Variants in KLHL3 observed in about 807,000 individuals in gnomAD.
KLHL3 encodes the protein kelch like family member 3, also known as kelch-like protein 3.
A neutral mutation model predicts 70.5 loss-of-function variants in KLHL3; 19 were observed. That is an observed-to-expected ratio of 0.27 (90% CI 0.19 to 0.40). KLHL3 has a LOEUF of 0.40. Ranked by LOEUF, KLHL3 falls within the 10% of genes least tolerant of loss-of-function variation. KLHL3 has a pLI of 1.00. For synonymous variants in KLHL3, 258 were observed against 290.3 expected, an observed-to-expected ratio of 0.89 and a Z score of 1.13; for missense variants, 512 against 771.1, an observed-to-expected ratio of 0.66 and a Z score of 3.98.
At chr5:137,706,364 G>A in intron 3 of KLHL3, 1 of 985,320 alleles carries the variant, frequency 1.0e-6, no homozygotes. Context: ...ATTTTGCAAT[G>A]TTACTGGAGA....
intron 5 of KLHL3, among the ~76,000 whole-genome samples, chr5:137,690,220 G>A (rs368358068): frequency 1.8e-4 from 27 of 152,024 alleles, no homozygotes; most frequent in South Asian, 1.0e-3. Context: ...CCAGCTACTC[G>A]GGAGGCTGAG....
chr5:137,656,945 C>T (rs554140356), intron 8 of KLHL3, among the ~76,000 whole-genome samples: 22 of 152,384 alleles, frequency 1.4e-4, no homozygotes, highest in South Asian at 8.3e-4. Flanking sequence ...GGATAACTAT[C>T]TCTACCTTGT....
chr5:137,720,776 A>T, intron 1 of KLHL3, 192 bp from the exon 2 acceptor site: 1 of 1,414,184 alleles, frequency 7.1e-7, no homozygotes, highest in East Asian at 2.6e-5. Flanking sequence ...ATTCCTCTGA[A>T]GGAAGGCAGG....
intron 2 of KLHL3, among the ~76,000 whole-genome samples, chr5:137,710,254 T>G (rs1474391732): frequency 6.6e-6 from 1 of 152,158 alleles, no homozygotes; most frequent in Non-Finnish European, 1.5e-5. Context: ...AGCATACCAG[T>G]GAAGTGTGTC....
intron 6 of KLHL3, among the ~76,000 whole-genome samples, chr5:137,664,622 G>A (rs2149899516): frequency 6.6e-6 from 1 of 151,308 alleles, no homozygotes; most frequent in African/African-American, 2.4e-5. Context: ...TTTGAGACCA[G>A]CCTGAGAAAC....
chr5:137,697,647 A>G (rs1752477200), intron 4 of KLHL3, among the ~76,000 whole-genome samples: 1 of 152,216 alleles, frequency 6.6e-6, no homozygotes, highest in Non-Finnish European at 1.5e-5. Flanking sequence ...ACTCAGGACC[A>G]CCAAACAGTG....
intron 12 of KLHL3, chr5:137,629,113 A>G (rs1750566210): frequency 6.6e-6 from 1 of 152,202 alleles, no homozygotes; most frequent in Non-Finnish European, 1.5e-5. Flanking sequence ...CGTGTTGATC[A>G]GCCTGAGCTG....
intron 8 of KLHL3, among the ~76,000 whole-genome samples, chr5:137,657,668 C>T (rs554492504): frequency 1.3e-5 from 2 of 152,292 alleles, no homozygotes; most frequent in East Asian, 3.9e-4. Flanking sequence ...CTTAGAACCC[C>T]TTTTCTTCTC....
chr5:137,664,256 G>A (rs1751557497), intron 6 of KLHL3, among the ~76,000 whole-genome samples: 2 of 151,620 alleles, frequency 1.3e-5, no homozygotes, highest in Admixed American at 6.6e-5. Flanking sequence ...AGGTTGAGGT[G>A]GGAGAACTGC....
At chr5:137,727,211 C>T (rs1753098100) in intron 1 of KLHL3, among the ~76,000 whole-genome samples, 1 of 152,016 alleles carries the variant, frequency 6.6e-6, no homozygotes, top group Non-Finnish European at 1.5e-5. Flanking sequence ...GGGTGTTATC[C>T]TTGATATCTT....
chr5:137,681,469 T>C (rs1752023714), intron 5 of KLHL3, among the ~76,000 whole-genome samples: 1 of 152,056 alleles, frequency 6.6e-6, no homozygotes, highest in African/African-American at 2.4e-5. Context: ...AGAGCATATG[T>C]AAAGAACAGT....
intron 7 of KLHL3, chr5:137,660,636 C>T (rs545700407): frequency 6.6e-6 from 1 of 152,346 alleles, no homozygotes; most frequent in East Asian, 1.9e-4. Context: ...ACTGACCCCT[C>T]ATATCTGCAA....
In KLHL3 at chr5:137,709,759, T is replaced by A. The variant is rs199469624; in HGVS notation, c.232A>T (p.Met78Leu). The A allele has an allele frequency of 6.2e-7, 1 of 1,613,398 alleles. No homozygotes were observed. The highest frequency in any genetic ancestry group is 8.5e-7 in the Non-Finnish European group (1 of 1,179,416). The part of the protein sequence containing the change: ...LAACSPYFCA[M>L]FTGDMSESKA... ...TGGCCACTCACCATACCTGTGAACA[T>A]CGCACAGAAGTAGGGGCTGCAGGCT... The change falls in exon 3 of 15, where the codon ATG becomes TTG. Residue 78 changes from methionine to leucine, a missense_variant. Met to Leu is a conservative substitution (Grantham distance 15). Transcript: ENST00000309755.
intron 6 of KLHL3, among the ~76,000 whole-genome samples, chr5:137,665,064 T>C (rs1329608847): frequency 6.6e-6 from 1 of 152,124 alleles, no homozygotes; most frequent in Non-Finnish European, 1.5e-5. Flanking sequence ...AAAATATTAA[T>C]ATATAACCTG....
intron 6 of KLHL3, among the ~76,000 whole-genome samples, chr5:137,669,346 T>G (rs1751692989): frequency 6.6e-6 from 1 of 152,176 alleles, no homozygotes; most frequent in South Asian, 2.1e-4. Flanking sequence ...CTCCTGTGAC[T>G]AATACGCTAC....
chr5:137,624,777 G>C (rs971654625), intron 14 of KLHL3, among the ~76,000 whole-genome samples: 2 of 152,160 alleles, frequency 1.3e-5, no homozygotes, highest in Admixed American at 1.3e-4. Flanking sequence ...TGGAAAACCA[G>C]ATACAAGGAA....
intron 8 of KLHL3, among the ~76,000 whole-genome samples, chr5:137,643,815 T>C (rs1393374641): frequency 2.0e-5 from 3 of 152,180 alleles, no homozygotes; most frequent in Non-Finnish European, 4.4e-5. Context: ...TACTGTGTAA[T>C]AGAACTCCAG....
At position 137,618,476 on chromosome 5, in the gene KLHL3, G is replaced by A. The variant is rs2149872599; in HGVS notation, c.*3622C>T. ...CTGCAAAGCATATGCTTAACACACAGGGATCATGAGGATTGACCCCTCTTT... is the reference window on the plus strand; with the variant it reads ...CTGCAAAGCATATGCTTAACACACAAGGATCATGAGGATTGACCCCTCTTT... On this transcript the variant is annotated 3_prime_UTR_variant, in exon 15 of 15. Transcript: ENST00000309755. 1 of 152,280 alleles carries A rather than the reference G, an allele frequency of 6.6e-6. No individual in the cohort carries two copies. The highest frequency in any genetic ancestry group is 2.1e-4 in the South Asian group (1 of 4,824). 9.4% of individuals were successfully genotyped at this position (152,280 alleles called of 1,614,324 possible). A position where few individuals can be genotyped will look rare whatever the true frequency, so the allele number is the denominator to read the frequency against.
intron 1 of KLHL3, among the ~76,000 whole-genome samples, chr5:137,721,888 A>C (rs955127134): frequency 1.3e-5 from 2 of 152,270 alleles, no homozygotes; most frequent in South Asian, 4.1e-4. Flanking sequence ...TGGAAGGTGG[A>C]AATAAGGAAT....
Sources: gnomAD v4.1 joint callset for allele counts (sites outside exome capture counted in the v4.1 genomes callset) on GRCh38, gnomAD v4.1.1 for gene constraint, MANE v1.5 for transcripts, NCBI Gene and HGNC (gene_info 2026-07-23, HGNC 2026-07-21) for gene names.